The following RIMS2 variants were observed in gnomAD, a reference collection of about 807,000 sequenced individuals.
RIMS2 encodes regulating synaptic membrane exocytosis 2, also known as regulating synaptic membrane exocytosis protein 2.
A neutral mutation model predicts 174.4 loss-of-function variants in RIMS2; 59 were observed. The observed-to-expected ratio is 0.34, with a 90% CI of 0.27 to 0.42. RIMS2 has a LOEUF of 0.42. Ranked by LOEUF, RIMS2 falls within the 10% of genes least tolerant of loss-of-function variation. RIMS2 has a pLI of 1.00. For missense variants in RIMS2, 1,620 were observed against 1,666.3 expected (o/e 0.97, Z 0.48); for synonymous variants, 606 against 572.5 (o/e 1.06, Z -0.84).
At chr8:104,248,891 T>TTCTCTTTCTCTCTCTC (rs1554670082) in intron 21 of RIMS2, 78 bp downstream of exon 27, 1 of 504,824 alleles carries the variant, frequency 2.0e-6, no homozygotes, top group African/African-American at 2.2e-5. Context: ...TCATAGAATC[T>TTCTCTTTCTCTCTCTC]TCTCTCTCTC....
chr8:103,847,812 A>C (rs2154491446), intron 3 of RIMS2, among the ~76,000 whole-genome samples: 1 of 152,172 alleles, frequency 6.6e-6, no homozygotes, highest in South Asian at 2.1e-4. Flanking sequence ...ACATTATGTT[A>C]GGAGTAGAAT....
chr8:103,693,401 T>C (rs878909411), intron 1 of RIMS2, among the ~76,000 whole-genome samples: 2 of 152,198 alleles, frequency 1.3e-5, no homozygotes, highest in African/African-American at 4.8e-5. Context: ...ATGAGGATAG[T>C]TGTTCAATTT....
chr8:104,177,359 AT>A (rs1380362391), intron 19 of RIMS2, among the ~76,000 whole-genome samples: 6 of 152,256 alleles, frequency 3.9e-5, no homozygotes, highest in Non-Finnish European at 7.4e-5. Context: ...TATAACAGCT[AT>A]TTCCATAGGG....
chr8:103,764,484 A>G (rs2098145934), intron 2 of RIMS2, among the ~76,000 whole-genome samples: 1 of 152,210 alleles, frequency 6.6e-6, no homozygotes. Flanking sequence ...GTTTGTCACA[A>G]GATGGCATCA....
chr8:103,849,836 C>T (rs953065844), intron 3 of RIMS2, among the ~76,000 whole-genome samples: 18 of 152,010 alleles, frequency 1.2e-4, no homozygotes, highest in Admixed American at 1.2e-3. Flanking sequence ...TCCTGAAATA[C>T]TGTGGCTTAG....
intron 1 of RIMS2, among the ~76,000 whole-genome samples, chr8:103,552,085 G>T (rs1257235582): frequency 6.6e-6 from 1 of 152,066 alleles, no homozygotes. Flanking sequence ...TTTTTTCACA[G>T]AATTGGAAAA....
chr8:103,910,291 C>CTTTTT, intron 5 of RIMS2, 30 bp from the exon 8 acceptor site: 20 of 1,284,530 alleles, frequency 1.6e-5, no homozygotes, highest in Admixed American at 2.2e-5. Context: ...TTTTTTGTAT[C>CTTTTT]TTTTTTTTTT....
chr8:103,916,470 G>C (rs868337814), exon 8 of RIMS2: 1 of 1,610,410 alleles, frequency 6.2e-7, no homozygotes, highest in Middle Eastern at 1.7e-4. Flanking sequence ...ATTTGAGGAA[G>C]TGTACAACAT....
chr8:103,537,028 A>G (rs563658194), intron 1 of RIMS2, among the ~76,000 whole-genome samples: 1 of 152,366 alleles, frequency 6.6e-6, no homozygotes, highest in African/African-American at 2.4e-5. Flanking sequence ...ATATGGCAGC[A>G]TATTTGCCAG....
chr8:104,194,543 G>C (rs1041080344), intron 19 of RIMS2, among the ~76,000 whole-genome samples: 1 of 152,064 alleles, frequency 6.6e-6, no homozygotes, highest in Non-Finnish European at 1.5e-5. Context: ...TAACAATCTT[G>C]CTCTTGAAGT....
At chr8:103,528,318 A>G (rs1342440833) in intron 1 of RIMS2, among the ~76,000 whole-genome samples, 1 of 152,054 alleles carries the variant, frequency 6.6e-6, no homozygotes, top group Non-Finnish European at 1.5e-5. Flanking sequence ...TAGATTGCAA[A>G]AATTTTCTTC....
At chr8:103,740,830 C>A (rs1184750925) in intron 2 of RIMS2, among the ~76,000 whole-genome samples, 1 of 151,982 alleles carries the variant, frequency 6.6e-6, no homozygotes, top group Non-Finnish European at 1.5e-5. Flanking sequence ...AAAAATGAAA[C>A]AAATACATGA....
intron 4 of RIMS2, among the ~76,000 whole-genome samples, chr8:103,896,620 G>A (rs1194255826): frequency 1.3e-5 from 2 of 151,482 alleles, no homozygotes; most frequent in Non-Finnish European, 2.9e-5. Context: ...TGGAATTCAG[G>A]CAAGGTTCAG....
intron 19 of RIMS2, among the ~76,000 whole-genome samples, chr8:104,039,577 G>A (rs369487444): frequency 1.3e-5 from 2 of 151,508 alleles, no homozygotes; most frequent in African/African-American, 2.4e-5. Flanking sequence ...TTTTCTTAGA[G>A]ATGGAATATA....
chr8:103,649,371 A>AT (rs35968458), intron 1 of RIMS2, among the ~76,000 whole-genome samples: 18,881 of 151,548 alleles, frequency 0.12, 1,288 homozygotes, highest in Middle Eastern at 0.22. Flanking sequence ...TGCCTTTAAC[A>AT]TTTTTTTCTT....
intron 11 of RIMS2, chr8:103,927,934 C>G (rs745598441): frequency 1.3e-6 from 2 of 1,544,000 alleles, no homozygotes; most frequent in Non-Finnish European, 1.8e-6. Flanking sequence ...TGTGTTTAAC[C>G]CTATTTGTAT....
At chr8:104,136,329 A>G (rs1271767359) in intron 19 of RIMS2, among the ~76,000 whole-genome samples, 6 of 152,310 alleles carry the variant, frequency 3.9e-5, no homozygotes, top group South Asian at 2.1e-4. Context: ...GAAAGTCTAC[A>G]TTTTGGAGTT....
chr8:103,588,019 C>T (rs1290411211), intron 1 of RIMS2, among the ~76,000 whole-genome samples: 2 of 152,004 alleles, frequency 1.3e-5, no homozygotes, highest in Admixed American at 6.6e-5. Flanking sequence ...AAAGACTCCA[C>T]AAGACGACTA....
chr8:103,836,318 G>A (rs10090341), intron 3 of RIMS2, among the ~76,000 whole-genome samples: 17,307 of 152,100 alleles, frequency 0.11, 1,333 homozygotes, highest in African/African-American at 0.22. Flanking sequence ...TGGGAAACCC[G>A]GGCAGCAGGA....
Sources: gnomAD v4.1 joint callset for allele counts (sites outside exome capture counted in the v4.1 genomes callset) on GRCh38, gnomAD v4.1.1 for gene constraint, MANE v1.5 for transcripts, NCBI Gene and HGNC (gene_info 2026-07-23, HGNC 2026-07-21) for gene names.